PDE4D: variants seen among roughly 807,000 people sequenced by gnomAD.
PDE4D encodes the protein 3',5'-cyclic-AMP phosphodiesterase 4D.
Under a neutral mutation model 87.4 loss-of-function variants are expected in PDE4D, and 24 were observed. The observed-to-expected ratio is 0.27, with a 90% CI of 0.20 to 0.39. The LOEUF (loss-of-function observed/expected upper bound fraction) is 0.39. PDE4D is among the 10% of genes least tolerant of loss of function. The pLI is 1.00. For missense variants in PDE4D, 714 were observed against 1,041.0 expected, an observed-to-expected ratio of 0.69 and a Z score of 4.32; for synonymous variants, 384 against 383.2, an observed-to-expected ratio of 1.00 and a Z score of -0.02.
intron 1 of PDE4D, among the ~76,000 whole-genome samples, chr5:59,368,626 T>C (rs781391901): frequency 6.6e-5 from 10 of 152,202 alleles, no homozygotes; most frequent in Admixed American, 3.3e-4. Flanking sequence ...AAATTTTGGA[T>C]ACTTCTTGCA....
At chr5:60,181,651 C>A (rs1039352640) in intron 2 of PDE4D, among the ~76,000 whole-genome samples, 51 of 152,280 alleles carry the variant, frequency 3.3e-4, no homozygotes, top group African/African-American at 1.2e-3. Context: ...AAGTAGATGA[C>A]ATCTTGAATA....
rs145654898 is a variant in PDE4D, at chr5:60,114,978, A to ATGGATGGATGGATGGATGGCTGGC, written c.42+70578_42+70579insGCCAGCCATCCATCCATCCATCCA. Among the ~76,000 whole-genome samples the ATGGATGGATGGATGGATGGCTGGC allele has an allele frequency of 4.0e-5, 6 of 149,334 alleles. No homozygotes were observed. The East Asian group carries it at 1.2e-3, about 29-fold the overall frequency. On this transcript the variant is annotated intron_variant, in intron 2 of 16. Coordinates refer to the PDE4D transcript ENST00000502484. ...GATGGATGGATGGATGGATGGATGG[A>ATGGATGGATGGATGGATGGCTGGC]TGGCTAGATAATACTTAGGATGCCT...
Position 59,386,278 on chromosome 5 carries a change from T to C in PDE4D, c.456-170310A>G, listed in dbSNP as rs117973079. Among the ~76,000 whole-genome samples the C allele has an allele frequency of 3.0e-3, 455 of 152,302 alleles. 12 individuals carry two copies. The highest frequency in any genetic ancestry group is 0.025 in the East Asian group (130 of 5,188). ...TTTTCCAAACTGTTACATTGAATAC[T>C]AGTTTTTGAGATGTTAAGAGTCCAG... On this transcript the variant is annotated intron_variant, in intron 1 of 14. Coordinates refer to ENST00000340635, the MANE Select transcript of PDE4D (RefSeq NM_001104631.2).
At chr5:60,243,528 A>G (rs1023312631) in intron 1 of PDE4D, among the ~76,000 whole-genome samples, 7 of 152,060 alleles carry the variant, frequency 4.6e-5, no homozygotes, top group African/African-American at 1.4e-4. Flanking sequence ...ACTGCAGGCC[A>G]ATATCACTGA....
At chr5:60,072,399 G>A (rs886304982) in intron 2 of PDE4D, among the ~76,000 whole-genome samples, 1 of 152,028 alleles carries the variant, frequency 6.6e-6, no homozygotes, top group African/African-American at 2.4e-5. Context: ...ATAGATGCTG[G>A]ATATAAGAAC....
intron 5 of PDE4D, among the ~76,000 whole-genome samples, chr5:59,160,300 A>G (rs576311948): frequency 1.3e-5 from 2 of 152,178 alleles, no homozygotes; most frequent in South Asian, 2.1e-4. Flanking sequence ...GTAAAATCAT[A>G]TGATTAGCAG....
intron 3 of PDE4D, among the ~76,000 whole-genome samples, chr5:59,919,782 A>T (rs1449651587): frequency 1.3e-5 from 2 of 152,174 alleles, no homozygotes; most frequent in African/African-American, 4.8e-5. Context: ...TTATTTTTCA[A>T]ATTGGTTTTA....
Position 60,038,047 on chromosome 5 carries a change from G to T in PDE4D, c.43-49330C>A, listed in dbSNP as rs377442469. On this transcript the variant is annotated intron_variant, in intron 2 of 16. Coordinates refer to the PDE4D transcript ENST00000502484. ...ATTAAAAAATATAGATGAGTAGGTC[G>T]CGAAAATTTTCTCCCATTTTGTAGG... Among the ~76,000 whole-genome samples the T allele has an allele frequency of 9.2e-5, 14 of 152,136 alleles. No individual in the cohort carries two copies. The South Asian group carries it at 2.7e-3, about 29-fold the overall frequency.
intron 1 of PDE4D, among the ~76,000 whole-genome samples, chr5:59,888,988 A>G (rs1429989386): frequency 1.3e-5 from 2 of 152,244 alleles, no homozygotes; most frequent in African/African-American, 4.8e-5. Flanking sequence ...GCACTTTGGG[A>G]GGCCGAGGCG....
chr5:59,213,702 T>C (rs934799656), intron 2 of PDE4D, among the ~76,000 whole-genome samples: 2 of 152,068 alleles, frequency 1.3e-5, no homozygotes, highest in African/African-American at 4.8e-5. Flanking sequence ...ACCCAGGGGC[T>C]CCTAATGCTA....
At chr5:59,392,550 A>G (rs1448997925) in intron 1 of PDE4D, among the ~76,000 whole-genome samples, 2 of 144,456 alleles carry the variant, frequency 1.4e-5, no homozygotes, top group East Asian at 4.3e-4. Flanking sequence ...CTTCCAGAGA[A>G]CCCTAATATA....
intron 1 of PDE4D, among the ~76,000 whole-genome samples, chr5:60,297,220 T>A (rs1202319890): frequency 6.6e-6 from 1 of 152,232 alleles, no homozygotes; most frequent in Admixed American, 6.5e-5. Flanking sequence ...ACTTTTCTCA[T>A]CAAGTATTTT....
intron 1 of PDE4D, among the ~76,000 whole-genome samples, chr5:60,459,612 G>A (rs1319584590): frequency 6.6e-6 from 1 of 151,998 alleles, no homozygotes. Context: ...GCTCGGTGGT[G>A]TTGATTCCAT....
intron 1 of PDE4D, among the ~76,000 whole-genome samples, chr5:59,746,234 C>A (rs140795713): frequency 6.6e-6 from 1 of 152,226 alleles, no homozygotes; most frequent in East Asian, 1.9e-4. Context: ...TGCAAACTAG[C>A]AATTTCCCAA....
chr5:59,565,241 A>G (rs1820684065), intron 1 of PDE4D, among the ~76,000 whole-genome samples: 1 of 152,168 alleles, frequency 6.6e-6, no homozygotes, highest in African/African-American at 2.4e-5. Context: ...TTACTGGGCC[A>G]GGCACAGTGG....
At chr5:59,489,969 T>C (rs760121844) in intron 1 of PDE4D, among the ~76,000 whole-genome samples, 46 of 152,336 alleles carry the variant, frequency 3.0e-4, no homozygotes, top group Non-Finnish European at 6.3e-4. Context: ...ATCTCTGGTA[T>C]TCCTCTAGAG....
At position 59,332,613 on chromosome 5, in the gene PDE4D, C is replaced by T. The variant is rs909376244; in HGVS notation, c.456-116645G>A. 5.9e-5 allele frequency among the ~76,000 whole-genome samples: 9 copies of T among 152,130 alleles called. No individual in the cohort carries two copies. In the East Asian group the frequency reaches 7.7e-4, roughly 13 times the overall value. ...TACATTAATACAGGCCAAATGTGGTCGACAATTTGATTGGCTAGCCCACAG... is the reference window on the plus strand; with the variant it reads ...TACATTAATACAGGCCAAATGTGGTTGACAATTTGATTGGCTAGCCCACAG... On this transcript the variant is annotated intron_variant, in intron 1 of 14. Coordinates refer to ENST00000340635, the MANE Select transcript of PDE4D (RefSeq NM_001104631.2).
intron 1 of PDE4D, among the ~76,000 whole-genome samples, chr5:60,484,611 T>A (rs1748990471): frequency 6.6e-6 from 1 of 152,192 alleles, no homozygotes; most frequent in African/African-American, 2.4e-5. Flanking sequence ...TATCGGTATT[T>A]TTAATACTCA....
chr5:60,120,916 G>T (rs1778619069), intron 2 of PDE4D, among the ~76,000 whole-genome samples: 1 of 152,130 alleles, frequency 6.6e-6, no homozygotes, highest in Non-Finnish European at 1.5e-5. Flanking sequence ...AGTGGGCTGG[G>T]AAAGGCAGAC....
Sources: gnomAD v4.1 joint callset for allele counts (sites outside exome capture counted in the v4.1 genomes callset) on GRCh38, gnomAD v4.1.1 for gene constraint, MANE v1.5 for transcripts, NCBI Gene and HGNC (gene_info 2026-07-23, HGNC 2026-07-21) for gene names.